Variants in EPB42 observed in about 807,000 individuals in gnomAD.
The protein encoded by EPB42 is erythrocyte membrane protein band 4.2.
Under a neutral mutation model 76.9 loss-of-function variants are expected in EPB42, and 49 were observed. The ratio of observed to expected loss-of-function variants is 0.64; its 90% confidence interval spans 0.51 to 0.81. EPB42 has a LOEUF of 0.81. Ranked by LOEUF, EPB42 falls within the 30% of genes least tolerant of loss-of-function variation. EPB42 has a pLI of 0.00. For synonymous variants in EPB42, 310 were observed against 338.4 expected (o/e 0.92, Z 0.92); for missense variants, 731 against 867.6 (o/e 0.84, Z 1.98).
At chr15:43,203,576 G>A (rs989842096) in intron 10 of EPB42, among the ~76,000 whole-genome samples, 2 of 152,226 alleles carry the variant, frequency 1.3e-5, no homozygotes, top group African/African-American at 4.8e-5. Context: ...TGCCTACCTA[G>A]TGGGATGGTT....
intron 11 of EPB42, among the ~76,000 whole-genome samples, 199 bp from the exon 12 acceptor site, chr15:43,202,176 C>G (rs1317835534): frequency 6.6e-6 from 1 of 152,174 alleles, no homozygotes; most frequent in African/African-American, 2.4e-5. Context: ...CTGATGATTT[C>G]TGATGTCGCC....
chr15:43,210,078 G>A (rs2042270091), intron 5 of EPB42, among the ~76,000 whole-genome samples: 1 of 152,218 alleles, frequency 6.6e-6, no homozygotes, highest in East Asian at 1.9e-4. Flanking sequence ...CTGGGTGTGG[G>A]GAGGGAAAAG....
At chr15:43,225,011 T>A (rs2042495012), upstream of EPB42, among the ~76,000 whole-genome samples, 1 of 152,260 alleles carries the variant, frequency 6.6e-6, no homozygotes, top group Non-Finnish European at 1.5e-5. Context: ...GGTGCTCAAG[T>A]GATCCCCCAG....
chr15:43,205,524 C>T (rs1414172169), intron 10 of EPB42, among the ~76,000 whole-genome samples: 1 of 152,088 alleles, frequency 6.6e-6, no homozygotes, highest in Non-Finnish European at 1.5e-5. Context: ...CTCAGTCTCC[C>T]CAGTAGCTGG....
chr15:43,216,143 G>A, intron 2 of EPB42, 125 bp downstream of exon 2: 2 of 1,194,954 alleles, frequency 1.7e-6, no homozygotes, highest in South Asian at 2.6e-5. Flanking sequence ...TGCCAGGTGG[G>A]CAGGACTTCT....
intron 8 of EPB42, 59 bp from the exon 9 acceptor site, chr15:43,207,500 GA>G: frequency 6.2e-7 from 1 of 1,604,912 alleles, no homozygotes; most frequent in Non-Finnish European, 8.5e-7. Flanking sequence ...GCTCAGTTCA[GA>G]ACTGCGTAAC....
chr15:43,204,537 A>T (rs1166186894), intron 10 of EPB42, among the ~76,000 whole-genome samples: 1 of 152,094 alleles, frequency 6.6e-6, no homozygotes, highest in Non-Finnish European at 1.5e-5. Context: ...GGGCTTTCAG[A>T]CACAATGTGC....
intron 3 of EPB42, among the ~76,000 whole-genome samples, chr15:43,212,701 C>T (rs1204671361): frequency 1.3e-5 from 2 of 152,122 alleles, no homozygotes; most frequent in East Asian, 3.9e-4. Context: ...CCCTCAGTCT[C>T]CTCCCGGTGC....
At position 43,203,248 on chromosome 15, in the gene EPB42, A is replaced by G; in HGVS notation, c.1646T>C (p.Phe549Ser). The G allele has an allele frequency of 6.2e-7, 1 of 1,614,066 alleles. No homozygotes were observed. The highest frequency in any genetic ancestry group is 2.2e-5 in the East Asian group (1 of 44,880). The change falls in exon 11 of 13, where the codon TTC becomes TCC. Residue 549 changes from phenylalanine to serine, a missense_variant. Coordinates refer to ENST00000441366, the MANE Select transcript of EPB42 (RefSeq NM_001114134.2). ...LEKIITIGLF[F>S]SNFERNPPEN... is the part of the protein sequence containing the mutation. ...GGGTGGGTTTCGCTCAAAATTGGAG[A>G]AGAACAGGCCGATGGTTATTATCTT...
intron 3 of EPB42, among the ~76,000 whole-genome samples, chr15:43,211,968 T>C (rs2042305109): frequency 6.6e-6 from 1 of 152,028 alleles, no homozygotes; most frequent in Non-Finnish European, 1.5e-5. Flanking sequence ...TTCAGGAGGC[T>C]GAAGCGGGAG....
chr15:43,209,347 C>A lies in EPB42; in HGVS notation c.759G>T (p.Arg253=). The part of the protein sequence containing the change: ...NKRRGSVPIL[R]QWLTGRGRPV... ...GTCGGCCTCGGCCGGTGAGCCACTG[C>A]CGCAGGATGGGCACGCTGCCCCGGC... Residue 253 remains arginine, a synonymous_variant, in exon 6 of 13, where the codon CGG becomes CGT. Coordinates refer to ENST00000441366, the MANE Select transcript of EPB42 (RefSeq NM_001114134.2). 3.1e-6 allele frequency: 5 copies of A among 1,614,144 alleles called. No individual in the cohort carries two copies. Among genetic ancestry groups the A allele is most frequent in the South Asian group, 1.1e-5 (1 of 91,086 alleles).
At chr15:43,203,510 C>A (rs1233698454) in intron 10 of EPB42, among the ~76,000 whole-genome samples, 2 of 152,160 alleles carry the variant, frequency 1.3e-5, no homozygotes, top group African/African-American at 4.8e-5. Context: ...GGGAAAGGGT[C>A]CCCTGTGAAC....
intron 8 of EPB42, among the ~76,000 whole-genome samples, 171 bp from the exon 9 acceptor site, chr15:43,207,612 T>TA (rs774554183): frequency 6.6e-6 from 1 of 152,236 alleles, no homozygotes; most frequent in Non-Finnish European, 1.5e-5. Context: ...TGAAACTATT[T>TA]AGTGATCAAC....
At position 43,206,429 on chromosome 15, in the gene EPB42, C is replaced by T; in HGVS notation, c.1519G>A (p.Val507Met). The T allele has an allele frequency of 6.2e-7, 1 of 1,614,222 alleles. No homozygotes were observed. Among genetic ancestry groups the T allele is most frequent in the Non-Finnish European group, 8.5e-7 (1 of 1,180,032 alleles). Residue 507 changes from valine (V) to methionine (M), a missense_variant, in exon 10 of 13, where the codon GTG becomes ATG. Coordinates refer to ENST00000441366, the MANE Select transcript of EPB42 (RefSeq NM_001114134.2). This position sits in a 1 kb window ranked among gnomAD's most constrained non-coding sequence, Gnocchi z 4.7. ...LVNHSEQEKA[V>M]QLAIGVQAVH... The stretch of plus-strand genomic sequence containing the variant: ...GCCTGGACCCCAATTGCCAGCTGCA[C>T]TGCCTTCTCCTGCTCACTGTGATTA...
intron 5 of EPB42, 47 bp downstream of exon 5, chr15:43,210,287 CT>C: frequency 1.9e-6 from 3 of 1,560,034 alleles, no homozygotes; most frequent in Non-Finnish European, 1.8e-6. Context: ...TCTCAGAGGG[CT>C]TTTTTCTCAC....
chr15:43,200,230 G>C (rs2042106003), intron 12 of EPB42, among the ~76,000 whole-genome samples: 1 of 152,134 alleles, frequency 6.6e-6, no homozygotes, highest in Non-Finnish European at 1.5e-5. Flanking sequence ...CAAAAGTATG[G>C]TTAAATGTTG....
upstream of EPB42, among the ~76,000 whole-genome samples, chr15:43,223,510 T>C (rs1454535275): frequency 1.3e-5 from 2 of 152,226 alleles, no homozygotes; most frequent in African/African-American, 4.8e-5. Context: ...ATCAATTCCA[T>C]GGAAAGATGT....
upstream of EPB42, among the ~76,000 whole-genome samples, chr15:43,224,781 T>C (rs1477173442): frequency 6.6e-6 from 1 of 152,214 alleles, no homozygotes; most frequent in East Asian, 1.9e-4. Context: ...TTTGTATGTT[T>C]GTTTATTTGT....
chr15:43,203,212 A>C lies in EPB42; in HGVS notation c.1682T>G (p.Phe561Cys). The C allele has an allele frequency of 6.2e-7, 1 of 1,614,134 alleles. No individual in the cohort carries two copies. The highest frequency in any genetic ancestry group is 8.5e-7 in the Non-Finnish European group (1 of 1,180,036). Residue 561 changes from phenylalanine (F) to cysteine (C), a missense_variant, in exon 11 of 13, where the codon TTC becomes TGC. By Grantham distance (205) the Phe-to-Cys change is radical (BLOSUM62 -2). Transcript: ENST00000441366. Reference protein sequence around the residue: ...NFERNPPENTFLRLTAMATHS... With the variant: ...NFERNPPENTCLRLTAMATHS... Reference sequence around the variant, plus strand: ...TGTTGCCATGGCGGTGAGTCTAAGGAAGGTGTTCTCGGGTGGGTTTCGCTC... The same window carrying C: ...TGTTGCCATGGCGGTGAGTCTAAGGCAGGTGTTCTCGGGTGGGTTTCGCTC...
Sources: allele counts gnomAD v4.1 joint callset (sites outside exome capture counted in the v4.1 genomes callset), GRCh38; gene constraint gnomAD v4.1.1; non-coding constraint Gnocchi (gnomAD v3.1); transcripts MANE v1.5; gene names NCBI Gene and HGNC (gene_info 2026-07-23, HGNC 2026-07-21).